Variants in ADAM12 observed in about 807,000 individuals in gnomAD.
ADAM12 encodes the protein disintegrin and metalloproteinase domain-containing protein 12.
Under a neutral mutation model 106.4 loss-of-function variants are expected in ADAM12, and 70 were observed. The observed-to-expected ratio is 0.66, with a 90% confidence interval of 0.54 to 0.80. The LOEUF is 0.80. Ranked by LOEUF, ADAM12 falls within the 30% of genes least tolerant of loss-of-function variation. ADAM12 has a pLI of 0.00. For synonymous variants in ADAM12, 420 were observed against 433.5 expected (o/e 0.97, Z 0.39); for missense variants, 1,010 against 1,171.9 (o/e 0.86, Z 2.02).
chr10:126,043,203 C>A lies in ADAM12; in HGVS notation c.1996-55G>T. 1 of 1,531,646 alleles carries A rather than the reference C, an allele frequency of 6.5e-7. No homozygotes were observed. Among genetic ancestry groups the A allele is most frequent in the Non-Finnish European group, 9.0e-7 (1 of 1,114,624 alleles). The allele number at this position is 1,531,646 out of a possible 1,614,324, so 94.9% of individuals were successfully genotyped here. On this transcript the variant is annotated intron_variant, in intron 17 of 22. Coordinates refer to ENST00000448723, the MANE Select transcript of ADAM12 (RefSeq NM_001288973.2). This position sits in a 1 kb window ranked among gnomAD's most constrained non-coding sequence, Gnocchi z 4.1. ...TTAGGGCATATGCTCTGTGCATCAC[C>A]ACAGCAGAAGCAAGGGGGGCCATGG...
At chr10:126,162,941 T>A (rs527254905) in intron 3 of ADAM12, among the ~76,000 whole-genome samples, 1 of 152,186 alleles carries the variant, frequency 6.6e-6, no homozygotes, top group Non-Finnish European at 1.5e-5. Flanking sequence ...GGATCCTTGA[T>A]GGCTTGGTGC....
intron 14 of ADAM12, among the ~76,000 whole-genome samples, chr10:126,060,798 C>T (rs1286027635): frequency 6.6e-6 from 1 of 152,188 alleles, no homozygotes; most frequent in Non-Finnish European, 1.5e-5. Flanking sequence ...CCTCCAGATC[C>T]AGGCAGGAGT....
intron 16 of ADAM12, among the ~76,000 whole-genome samples, chr10:126,047,315 G>A (rs897197265): frequency 3.3e-5 from 5 of 152,114 alleles, no homozygotes; most frequent in African/African-American, 7.2e-5. Flanking sequence ...TGGGAGAAGC[G>A]CTGGCCCAAG....
chr10:126,140,067 G>A (rs1004918263), intron 4 of ADAM12, among the ~76,000 whole-genome samples: 8 of 152,300 alleles, frequency 5.3e-5, no homozygotes, highest in South Asian at 4.2e-4. Context: ...GCATCAAAGC[G>A]GAAGACAATG....
chr10:126,192,305 A>G (rs192965990), intron 3 of ADAM12, among the ~76,000 whole-genome samples: 1 of 152,354 alleles, frequency 6.6e-6, no homozygotes, highest in Non-Finnish European at 1.5e-5. Context: ...TGCCTGGTAC[A>G]TAGTAAATAA....
chr10:126,222,522 A>G (rs1958113929), intron 3 of ADAM12, among the ~76,000 whole-genome samples: 1 of 150,686 alleles, frequency 6.6e-6, no homozygotes. Flanking sequence ...CTCTTCTTGC[A>G]AAGTGGCATC....
intron 18 of ADAM12, chr10:126,042,232 G>T: frequency 6.2e-7 from 1 of 1,613,282 alleles, no homozygotes; most frequent in Non-Finnish European, 8.5e-7. Flanking sequence ...TTCCTGCCTT[G>T]CTTCTTTCCC....
intron 3 of ADAM12, among the ~76,000 whole-genome samples, chr10:126,265,120 C>A (rs576089364): frequency 4.6e-5 from 7 of 152,290 alleles, no homozygotes; most frequent in African/African-American, 1.7e-4. Flanking sequence ...CCCACAGAAC[C>A]TTTTACAAAT....
In ADAM12 at chr10:126,066,391, C is replaced by T. The variant is rs560819042; in HGVS notation, c.1413+326G>A. Among the ~76,000 whole-genome samples, 1 of 152,334 alleles carries T rather than the reference C, an allele frequency of 6.6e-6. No homozygotes were observed. Among genetic ancestry groups the T allele is most frequent in the East Asian group, 1.9e-4 (1 of 5,186 alleles). On this transcript the variant is annotated intron_variant, in intron 13 of 22. Transcript: ENST00000448723. The surrounding 1 kb of genome is among the most constrained non-coding windows in gnomAD (Gnocchi z 5.1). ...GATGGGGACTTGTTCTCGCCTTGCTCTTCTTGTCAGCATAGTAGAACCCCA... is the reference window on the plus strand; with the variant it reads ...GATGGGGACTTGTTCTCGCCTTGCTTTTCTTGTCAGCATAGTAGAACCCCA...
At chr10:126,089,377 CCTTCCT>C (rs1480160062) in intron 11 of ADAM12, among the ~76,000 whole-genome samples, 2 of 152,074 alleles carry the variant, frequency 1.3e-5, no homozygotes, top group African/African-American at 4.8e-5. Flanking sequence ...GGTGAAGGAT[CCTTCCT>C]CTTCACAGTT....
At chr10:126,297,345 C>T (rs1229003425) in intron 2 of ADAM12, among the ~76,000 whole-genome samples, 1 of 152,158 alleles carries the variant, frequency 6.6e-6, no homozygotes, top group Non-Finnish European at 1.5e-5. Context: ...CAATTCGAGA[C>T]CAGCCTGGGC....
At chr10:126,249,688 C>T (rs1396657630) in intron 3 of ADAM12, among the ~76,000 whole-genome samples, 1 of 152,008 alleles carries the variant, frequency 6.6e-6, no homozygotes, top group African/African-American at 2.4e-5. Flanking sequence ...TGCCAGACTC[C>T]GTCTCAAAAA....
At chr10:126,173,634 T>C (rs1350862244) in intron 3 of ADAM12, among the ~76,000 whole-genome samples, 1 of 152,228 alleles carries the variant, frequency 6.6e-6, no homozygotes, top group Non-Finnish European at 1.5e-5. Flanking sequence ...TAGATTTTTT[T>C]TTTAAGTTTC....
At chr10:126,265,149 G>T (rs562282701) in intron 3 of ADAM12, among the ~76,000 whole-genome samples, 3 of 152,280 alleles carry the variant, frequency 2.0e-5, no homozygotes, top group Non-Finnish European at 4.4e-5. Flanking sequence ...TCAGCAGGGG[G>T]CTGTGCAGCA....
At chr10:126,141,029 G>C (rs1033127316) in intron 4 of ADAM12, among the ~76,000 whole-genome samples, 13 of 152,224 alleles carry the variant, frequency 8.5e-5, no homozygotes, top group Admixed American at 6.5e-5. Context: ...ACCTCTGCAC[G>C]CACTGATGCT....
At chr10:126,137,237 G>C (rs1956421720) in intron 4 of ADAM12, among the ~76,000 whole-genome samples, 1 of 152,092 alleles carries the variant, frequency 6.6e-6, no homozygotes, top group African/African-American at 2.4e-5. Flanking sequence ...CAGTATGTTT[G>C]TGGTGCCACT....
chr10:126,239,373 T>C (rs1340823542), intron 3 of ADAM12, among the ~76,000 whole-genome samples: 2 of 152,204 alleles, frequency 1.3e-5, no homozygotes, highest in African/African-American at 2.4e-5. Context: ...GCCTTTCCTA[T>C]AGGATATGAC....
rs371540023 is a variant in ADAM12, at chr10:126,382,960, T to G, written c.88+5098A>C. On this transcript the variant is annotated intron_variant, in intron 1 of 22. Transcript: ENST00000448723. ...ATAAAATTTAAAATTATTTATTTAT[T>G]TTGATACAGGGTCTCATTCTGTCAC... Among the ~76,000 whole-genome samples, 63 of 152,328 alleles carry G rather than the reference T, an allele frequency of 4.1e-4. 2 individuals carry two copies. In the South Asian group the frequency reaches 0.012, roughly 30 times the overall value.
intron 8 of ADAM12, among the ~76,000 whole-genome samples, chr10:126,102,266 T>C (rs1345551505): frequency 1.3e-5 from 2 of 152,116 alleles, no homozygotes; most frequent in Non-Finnish European, 2.9e-5. Flanking sequence ...TGTCAAATCT[T>C]TCAATGCCCC....
Sources: gnomAD v4.1 joint callset for allele counts (sites outside exome capture counted in the v4.1 genomes callset) on GRCh38, gnomAD v4.1.1 for gene constraint, Gnocchi (gnomAD v3.1) non-coding constraint, MANE v1.5 for transcripts, NCBI Gene and HGNC (gene_info 2026-07-23, HGNC 2026-07-21) for gene names.